ZNF536: variants seen among roughly 807,000 people sequenced by gnomAD.
ZNF536 encodes the protein zinc finger protein 536.
A neutral mutation model predicts 84.5 loss-of-function variants in ZNF536; 13 were observed. The observed-to-expected ratio is 0.15, with a 90% CI of 0.10 to 0.24. ZNF536 has a LOEUF of 0.24. ZNF536 is among the 10% of genes least tolerant of loss of function. The pLI is 1.00. For missense variants in ZNF536, 1,536 were observed against 1,747.5 expected (o/e 0.88, Z 2.16); for synonymous variants, 811 against 742.5 (o/e 1.09, Z -1.50).
At chr19:30,674,140 G>A (rs893835246) in intron 1 of ZNF536, among the ~76,000 whole-genome samples, 7 of 152,216 alleles carry the variant, frequency 4.6e-5, no homozygotes, top group Admixed American at 2.0e-4. Flanking sequence ...TGAGGCACTC[G>A]GAAATATTAT....
intron 1 of ZNF536, among the ~76,000 whole-genome samples, chr19:30,266,659 A>G (rs892198049): frequency 7.9e-5 from 12 of 152,200 alleles, no homozygotes; most frequent in Non-Finnish European, 1.3e-4. Flanking sequence ...TTTTATTAGA[A>G]AAGTTTACAA....
chr19:30,394,359 A>G (rs2049724279), intron 1 of ZNF536, among the ~76,000 whole-genome samples: 1 of 152,160 alleles, frequency 6.6e-6, no homozygotes, highest in South Asian at 2.1e-4. Context: ...GTATCTAACT[A>G]TGATAGTGCA....
At chr19:30,559,136 A>T (rs1295811665), downstream of ZNF536, among the ~76,000 whole-genome samples, 1 of 152,210 alleles carries the variant, frequency 6.6e-6, no homozygotes, top group Non-Finnish European at 1.5e-5. Flanking sequence ...GTCTGAGAAG[A>T]CACGATAAAA....
chr19:30,607,694 C>T (rs1359906581), intron 1 of ZNF536, among the ~76,000 whole-genome samples: 1 of 145,682 alleles, frequency 6.9e-6, no homozygotes, highest in Admixed American at 7.1e-5. Context: ...TGCACTCCAG[C>T]CTGGGTGACA....
At position 30,333,172 on chromosome 19, in the gene ZNF536, A is replaced by G. The variant is rs546471066; in HGVS notation, c.-119-19196A>G. 4.0e-4 allele frequency among the ~76,000 whole-genome samples: 61 copies of G among 152,114 alleles called. No individual in the cohort carries two copies. The East Asian group carries it at 0.012, about 29-fold the overall frequency. On this transcript the variant is annotated intron_variant, in intron 2 of 5. Transcript: ENST00000585628. ...TCTTCAACAAATAAATTAATAAGTAAGTAAGTAAATAAATAAATAAATAAG... is the reference window on the plus strand; with the variant it reads ...TCTTCAACAAATAAATTAATAAGTAGGTAAGTAAATAAATAAATAAATAAG...
chr19:30,555,584 G>C (rs1334498974), intron 4 of ZNF536: 1 of 152,214 alleles, frequency 6.6e-6, no homozygotes, highest in East Asian at 1.9e-4. Flanking sequence ...CAAGTGCTTG[G>C]GGGTAGGAAA....
chr19:30,235,135 C>G (rs1485941000), intron 1 of ZNF536, among the ~76,000 whole-genome samples: 1 of 152,198 alleles, frequency 6.6e-6, no homozygotes, highest in East Asian at 1.9e-4. Context: ...CTACATTACA[C>G]ACCCCGGGTG....
chr19:30,711,902 G>T (rs761736951), exon 2 of ZNF536: 1 of 151,936 alleles, frequency 6.6e-6, no homozygotes, highest in South Asian at 2.1e-4. Flanking sequence ...ATAATAGAAA[G>T]ATTTTTTTAC....
intron 2 of ZNF536, among the ~76,000 whole-genome samples, chr19:30,326,467 A>G (rs1305364761): frequency 1.3e-5 from 2 of 152,160 alleles, no homozygotes; most frequent in Admixed American, 1.3e-4. Flanking sequence ...GTGGTAGGGA[A>G]CAAGTGTCCT....
At chr19:30,531,490 G>A (rs530488273) in intron 2 of ZNF536, among the ~76,000 whole-genome samples, 1 of 151,464 alleles carries the variant, frequency 6.6e-6, no homozygotes, top group Admixed American at 6.6e-5. Context: ...GCAGGTGTGT[G>A]GCATGAGTAT....
chr19:30,597,506 A>G (rs1311635864), intron 1 of ZNF536, among the ~76,000 whole-genome samples: 2 of 152,198 alleles, frequency 1.3e-5, no homozygotes, highest in African/African-American at 4.8e-5. Context: ...TGTAAATCTC[A>G]GTCTACTGTG....
intron 1 of ZNF536, among the ~76,000 whole-genome samples, chr19:30,421,560 A>G (rs1209223630): frequency 6.6e-6 from 1 of 152,114 alleles, no homozygotes; most frequent in Admixed American, 6.5e-5. Context: ...TGAGAGTCTC[A>G]CCATGTTACC....
In ZNF536 at chr19:30,515,345, T is replaced by C. The variant is rs138284859; in HGVS notation, c.2171-19502T>C. ...ATTTAGACAATGCTTTGAAAGCACATAGAATGTGCTCGATTAATGTTAACT... is the reference window on the plus strand; with the variant it reads ...ATTTAGACAATGCTTTGAAAGCACACAGAATGTGCTCGATTAATGTTAACT... On this transcript the variant is annotated intron_variant, in intron 2 of 4. Coordinates refer to ENST00000355537, the MANE Select transcript of ZNF536 (RefSeq NM_014717.3). Among the ~76,000 whole-genome samples the C allele has an allele frequency of 2.6e-4, 39 of 152,348 alleles. 1 individual carries two copies. Among genetic ancestry groups the C allele is most frequent in the African/African-American group, 9.4e-4 (39 of 41,586 alleles).
intron 1 of ZNF536, among the ~76,000 whole-genome samples, chr19:30,583,248 C>T (rs1241520332): frequency 6.6e-6 from 1 of 152,176 alleles, no homozygotes; most frequent in Non-Finnish European, 1.5e-5. Context: ...GTGGGAGTCA[C>T]AGGAGGACAG....
chr19:30,711,542 T>G (rs1424040147), exon 2 of ZNF536: 2 of 152,118 alleles, frequency 1.3e-5, no homozygotes, highest in African/African-American at 2.4e-5. Flanking sequence ...TCACGTGGTG[T>G]TGTAACTGCA....
At chr19:30,702,206 T>A (rs1568687346) in intron 1 of ZNF536, among the ~76,000 whole-genome samples, 1 of 152,212 alleles carries the variant, frequency 6.6e-6, no homozygotes, top group African/African-American at 2.4e-5. Context: ...AAGAAAAATA[T>A]CTCGTTTCCC....
intron 2 of ZNF536, among the ~76,000 whole-genome samples, chr19:30,455,035 AAAAC>A (rs56166320): frequency 0.063 from 9,433 of 149,806 alleles, 468 homozygotes; most frequent in African/African-American, 0.14. Context: ...CTCCATCTCA[AAAAC>A]AAACAAACAA....
intron 2 of ZNF536, among the ~76,000 whole-genome samples, chr19:30,499,324 T>C (rs534584760): frequency 6.6e-6 from 1 of 152,354 alleles, no homozygotes; most frequent in Admixed American, 6.5e-5. Context: ...TAAGTATGAA[T>C]GTACATATGT....
At chr19:30,589,200 C>A (rs1384758835) in intron 1 of ZNF536, among the ~76,000 whole-genome samples, 1 of 152,206 alleles carries the variant, frequency 6.6e-6, no homozygotes, top group Non-Finnish European at 1.5e-5. Flanking sequence ...TCTGTATTTG[C>A]ATCTGCTCTT....
Sources: gnomAD v4.1 joint callset for allele counts (sites outside exome capture counted in the v4.1 genomes callset) on GRCh38, gnomAD v4.1.1 for gene constraint, MANE v1.5 for transcripts, NCBI Gene and HGNC (gene_info 2026-07-23, HGNC 2026-07-21) for gene names.